WDPCP: variants seen among roughly 807,000 people sequenced by gnomAD.
The protein encoded by WDPCP is WD repeat containing planar cell polarity effector, also known as WD repeat-containing and planar cell polarity effector protein fritz homolog.
A neutral mutation model predicts 93.1 loss-of-function variants in WDPCP; 71 were observed. The ratio of observed to expected loss-of-function variants is 0.76; its 90% CI spans 0.63 to 0.93. The LOEUF (loss-of-function observed/expected upper bound fraction) is 0.93. Ranked by LOEUF, WDPCP falls within the 40% of genes least tolerant of loss-of-function variation. The pLI, the probability that WDPCP is intolerant of heterozygous loss-of-function variation, is 0.00. For synonymous variants in WDPCP, 315 were observed against 315.0 expected, an observed-to-expected ratio of 1.00 and a Z score of 0.00; for missense variants, 844 against 887.4, an observed-to-expected ratio of 0.95 and a Z score of 0.62.
At chr2:63,801,127 A>G (rs1485147462) in intron 2 of WDPCP, among the ~76,000 whole-genome samples, 1 of 152,258 alleles carries the variant, frequency 6.6e-6, no homozygotes, top group Non-Finnish European at 1.5e-5. Flanking sequence ...AGAATTGATG[A>G]GCATCTTAGC....
chr2:63,589,439 C>CATAA (rs1491334836), upstream of WDPCP: 11 of 1,509,058 alleles, frequency 7.3e-6, no homozygotes, highest in South Asian at 1.3e-4. Flanking sequence ...CTCATTTGCC[C>CATAA]ACAGTGTTTA....
chr2:63,384,259 TTC>T (rs1322785584), intron 10 of WDPCP, among the ~76,000 whole-genome samples: 3 of 152,094 alleles, frequency 2.0e-5, no homozygotes, highest in African/African-American at 7.2e-5. Context: ...ATTGACAAAC[TTC>T]TGTCTCAGCT....
intron 12 of WDPCP, among the ~76,000 whole-genome samples, chr2:63,366,952 ATAGTAGAATGTGAGG>A (rs954466339): frequency 2.0e-5 from 3 of 152,060 alleles, no homozygotes; most frequent in African/African-American, 7.2e-5. Flanking sequence ...ATATGGTTAC[ATAGTAGAATGTGAGG>A]TTTAAATGTG....
chr2:63,597,416 A>G (rs1256745667), intron 3 of WDPCP: 2 of 1,442,138 alleles, frequency 1.4e-6, no homozygotes, highest in Non-Finnish European at 1.8e-6. Flanking sequence ...CGCAACAGAT[A>G]AAGAAGACGT....
intron 12 of WDPCP, among the ~76,000 whole-genome samples, chr2:63,315,815 C>T (rs1254048150): frequency 2.6e-5 from 4 of 151,642 alleles, no homozygotes; most frequent in Non-Finnish European, 4.4e-5. Flanking sequence ...TGGAGTACAG[C>T]AGCGTGATTA....
Position 63,539,685 on chromosome 2 carries a change from C to CA in WDPCP, c.76-46746dup, listed in dbSNP as rs1373488503. On this transcript the variant is annotated intron_variant, in intron 1 of 17. Coordinates refer to ENST00000272321, the MANE Select transcript of WDPCP (RefSeq NM_015910.7). ...TGGGTGACATAGCAAGACTCTGTCTCAAAAAAAATAATAAAAAAATAAAAC... is the reference window on the plus strand; with the variant it reads ...TGGGTGACATAGCAAGACTCTGTCTCAAAAAAAAATAATAAAAAAATAAAAC... 3.3e-5 allele frequency among the ~76,000 whole-genome samples: 5 copies of CA among 151,308 alleles called. No homozygotes were observed. The East Asian group carries it at 5.8e-4, about 18-fold the overall frequency.
intron 14 of WDPCP, among the ~76,000 whole-genome samples, chr2:63,177,612 C>A (rs1313889525): frequency 6.6e-6 from 1 of 151,698 alleles, no homozygotes; most frequent in South Asian, 2.1e-4. Flanking sequence ...TTCAATTATT[C>A]TAAAGTTTAA....
At chr2:63,430,425 C>T (rs765370810) in intron 9 of WDPCP, among the ~76,000 whole-genome samples, 4 of 152,136 alleles carry the variant, frequency 2.6e-5, no homozygotes, top group Non-Finnish European at 5.9e-5. Flanking sequence ...ATGAAAACAA[C>T]TACCATGTTA....
intron 12 of WDPCP, among the ~76,000 whole-genome samples, chr2:63,374,927 C>G (rs557718663): frequency 6.6e-6 from 1 of 152,014 alleles, no homozygotes; most frequent in East Asian, 1.9e-4. Flanking sequence ...TATTTCATAA[C>G]CAAAAAATTT....
At chr2:63,558,375 A>G (rs1016377403) in intron 1 of WDPCP, among the ~76,000 whole-genome samples, 12 of 151,920 alleles carry the variant, frequency 7.9e-5, no homozygotes, top group Non-Finnish European at 1.8e-4. Context: ...TAAAAATACA[A>G]AAATTAGCTG....
chr2:63,140,935 C>G (rs948151690), intron 17 of WDPCP, among the ~76,000 whole-genome samples: 2 of 152,102 alleles, frequency 1.3e-5, no homozygotes, highest in African/African-American at 4.8e-5. Flanking sequence ...TTCAGTATCA[C>G]GTTTGCTGTT....
Position 63,121,937 on chromosome 2 carries a change from A to T in WDPCP, c.*69T>A. 1.9e-6 allele frequency: 3 copies of T among 1,601,758 alleles called. No individual in the cohort carries two copies. In the South Asian group the frequency reaches 3.5e-5, roughly 18 times the overall value. On this transcript the variant is annotated 3_prime_UTR_variant, in exon 18 of 18. Coordinates refer to ENST00000272321, the MANE Select transcript of WDPCP (RefSeq NM_015910.7). ...CTCTTGTTAAAAATCCACACGGGGG[A>T]TTTTAAGTCTGTATCAGGCCATGAA...
At chr2:63,375,412 T>C (rs1368200333) in intron 12 of WDPCP, among the ~76,000 whole-genome samples, 1 of 151,978 alleles carries the variant, frequency 6.6e-6, no homozygotes. Context: ...TTTAAAATTT[T>C]ATTATAATAA....
intron 10 of WDPCP, among the ~76,000 whole-genome samples, chr2:63,386,251 G>A (rs905843778): frequency 6.6e-6 from 1 of 151,870 alleles, no homozygotes; most frequent in Non-Finnish European, 1.5e-5. Context: ...ATAAACAATG[G>A]TAAAATAATG....
chr2:63,737,116 G>A (rs1392707116), intron 2 of WDPCP, among the ~76,000 whole-genome samples: 3 of 152,126 alleles, frequency 2.0e-5, no homozygotes, highest in Admixed American at 6.5e-5. Context: ...GCTGCCATGT[G>A]GTTCACAATT....
At chr2:63,619,538 T>C (rs1331562076) in intron 3 of WDPCP, among the ~76,000 whole-genome samples, 4 of 152,226 alleles carry the variant, frequency 2.6e-5, no homozygotes, top group Admixed American at 6.5e-5. Context: ...CATTATTTAC[T>C]CTTCCTCGGT....
At chr2:63,491,270 G>A (rs900831052) in intron 2 of WDPCP, among the ~76,000 whole-genome samples, 15 of 151,702 alleles carry the variant, frequency 9.9e-5, no homozygotes, top group Non-Finnish European at 1.9e-4. Flanking sequence ...TATTCATTTT[G>A]TTTTCTTTCC....
intron 12 of WDPCP, among the ~76,000 whole-genome samples, chr2:63,364,126 G>A (rs1690704895): frequency 6.6e-6 from 1 of 152,118 alleles, no homozygotes; most frequent in Non-Finnish European, 1.5e-5. Context: ...TAAGTGGATT[G>A]CTCAACACCA....
rs534164856 is a variant in WDPCP, at chr2:63,404,097, G to A, written c.1386C>T (p.Leu462=). Residue 462 remains leucine (L), a synonymous_variant, in exon 10 of 18, where the codon CTC becomes CTT. Coordinates refer to ENST00000272321, the MANE Select transcript of WDPCP (RefSeq NM_015910.7). The part of the protein sequence containing the change: ...KGEGSDIYDL[L]FLRFERGPLG... ...AAGGTCCTCTTTCAAACCTGAGGAA[G>A]AGGAGATCATAGATATCACTACCTT... 1.9e-6 allele frequency: 3 copies of A among 1,614,102 alleles called. No individual in the cohort carries two copies. The African/African-American group carries it at 4.0e-5, about 22-fold the overall frequency.
Sources: allele counts gnomAD v4.1 joint callset (sites outside exome capture counted in the v4.1 genomes callset), GRCh38; gene constraint gnomAD v4.1.1; transcripts MANE v1.5; gene names NCBI Gene and HGNC (gene_info 2026-07-23, HGNC 2026-07-21).